DST: variants seen among roughly 807,000 people sequenced by gnomAD.
DST encodes the protein bullous pemphigoid antigen.
Under a neutral mutation model 875.2 loss-of-function variants are expected in DST, and 253 were observed. That is an observed-to-expected ratio of 0.29 (90% CI 0.26 to 0.32). DST has a LOEUF of 0.32. Ranked by LOEUF, DST falls within the 10% of genes least tolerant of loss-of-function variation. The pLI is 1.00. For synonymous variants in DST, 3,124 were observed against 3,197.1 expected (o/e 0.98, Z 0.77); for missense variants, 8,287 against 9,111.6 (o/e 0.91, Z 3.68).
At chr6:56,490,857 G>GC (rs1332180646) in intron 85 of DST, among the ~76,000 whole-genome samples, 5 of 152,058 alleles carry the variant, frequency 3.3e-5, no homozygotes, top group Non-Finnish European at 7.4e-5. Context: ...TATAAATAGA[G>GC]GAAATGCTAT....
chr6:56,854,461 T>C (rs1441457722), intron 3 of DST, among the ~76,000 whole-genome samples: 3 of 152,228 alleles, frequency 2.0e-5, no homozygotes, highest in East Asian at 3.9e-4. Context: ...TGTTTAAATA[T>C]AGTTATATGG....
intron 2 of DST, among the ~76,000 whole-genome samples, chr6:56,931,889 G>T (rs1810476102): frequency 6.6e-6 from 1 of 152,194 alleles, no homozygotes; most frequent in Non-Finnish European, 1.5e-5. Context: ...AGGCAGAAGA[G>T]ATTTGCCTTG....
intron 61 of DST, among the ~76,000 whole-genome samples, chr6:56,551,576 T>C (rs948885548): frequency 6.6e-6 from 1 of 152,184 alleles, no homozygotes; most frequent in Non-Finnish European, 1.5e-5. Context: ...TTGATCACTG[T>C]TGAGTGGCAG....
intron 61 of DST, among the ~76,000 whole-genome samples, chr6:56,547,777 T>C (rs766847224): frequency 3.5e-4 from 54 of 152,178 alleles, no homozygotes; most frequent in South Asian, 8.3e-4. Flanking sequence ...GGCATTTTGG[T>C]TTACCGAATA....
Position 56,552,674 on chromosome 6 carries a change from T to G in DST, c.16118A>C (p.Lys5373Thr). 6.2e-7 allele frequency: 1 copy of G among 1,613,850 alleles called. No individual in the cohort carries two copies. Among genetic ancestry groups the G allele is most frequent in the South Asian group, 1.1e-5 (1 of 91,076 alleles). Residue 5373 changes from lysine (K) to threonine (T), a missense_variant, in exon 61 of 104, where the codon AAG (lysine) becomes ACG (threonine). Lys to Thr is a moderately conservative substitution (Grantham distance 78). Transcript: ENST00000680361. ...AAGCTTGGTTTCTAAGAAAGAACAC[T>G]TTTCATCAACCTGCTGACTTAGTGT... ...HSTLSQQVDE[K>T]CSFLETKLQG...
intron 38 of DST, among the ~76,000 whole-genome samples, chr6:56,610,935 A>G (rs1298602148): frequency 6.6e-6 from 1 of 152,082 alleles, no homozygotes; most frequent in African/African-American, 2.4e-5. Context: ...CTAAAGCACA[A>G]ACAAAGAGGA....
intron 7 of DST, among the ~76,000 whole-genome samples, chr6:56,703,221 T>TA (rs2099318313): frequency 6.6e-6 from 1 of 152,060 alleles, no homozygotes; most frequent in Non-Finnish European, 1.5e-5. Context: ...ACTTAAATAC[T>TA]AAAAAAAATT....
At chr6:56,482,316 T>A in intron 89 of DST, 138 bp from the exon 90 acceptor site, 1 of 982,658 alleles carries the variant, frequency 1.0e-6, no homozygotes, top group Non-Finnish European at 1.4e-6. Flanking sequence ...ATTACTCCCA[T>A]TAAGAAGATA....
chr6:56,642,359 C>T (rs774054083), intron 16 of DST, 51 bp downstream of exon 16: 45 of 1,297,910 alleles, frequency 3.5e-5, no homozygotes, highest in Non-Finnish European at 4.6e-5. Context: ...TTCATCCAAA[C>T]GCACAGTGAC....
chr6:56,884,011 G>A (rs1783430159), intron 3 of DST, among the ~76,000 whole-genome samples: 1 of 152,060 alleles, frequency 6.6e-6, no homozygotes, highest in Non-Finnish European at 1.5e-5. Flanking sequence ...CACACCTGTA[G>A]TCTCACCTTC....
At chr6:56,791,863 T>G (rs1180039456) in intron 4 of DST, among the ~76,000 whole-genome samples, 1 of 151,266 alleles carries the variant, frequency 6.6e-6, no homozygotes, top group Non-Finnish European at 1.5e-5. Context: ...GGTATGGATA[T>G]AATCATAATC....
At chr6:56,735,505 T>C (rs1210699737) in intron 4 of DST, among the ~76,000 whole-genome samples, 1 of 152,114 alleles carries the variant, frequency 6.6e-6, no homozygotes, top group Non-Finnish European at 1.5e-5. Flanking sequence ...CATTTACCAA[T>C]ATTCCTCCAT....
chr6:56,608,197 G>T lies in DST; in HGVS notation c.6431C>A (p.Pro2144His), dbSNP rs758763174. The change falls in exon 40 of 104, where the codon CCT becomes CAT. Residue 2144 changes from proline to histidine, a missense_variant. This residue lies in a region of DST where 3,138 missense variants were observed against 3,116.6 expected (regional missense o/e 1.01). Transcript: ENST00000680361. ...TASILKNITL[P>H]DKMPDLGDLE... ...ATCTCCTAAATCTGGCATTTTATCA[G>T]GCAGTGTTATATTTTTTAAAATTGA... 1 of 1,613,562 alleles carries T rather than the reference G, an allele frequency of 6.2e-7. No homozygotes were observed. The highest frequency in any genetic ancestry group is 8.5e-7 in the Non-Finnish European group (1 of 1,179,714).
At chr6:56,903,371 A>G (rs1247163116) in intron 2 of DST, among the ~76,000 whole-genome samples, 1 of 152,354 alleles carries the variant, frequency 6.6e-6, no homozygotes, top group Non-Finnish European at 1.5e-5. Context: ...CTGCAAAACA[A>G]TAACTCAGTG....
chr6:56,630,096 T>G, intron 31 of DST, 149 bp downstream of exon 31: 1 of 662,818 alleles, frequency 1.5e-6, no homozygotes, highest in Non-Finnish European at 2.6e-6. Flanking sequence ...TGAACATACT[T>G]AGAGTAAACT....
intron 2 of DST, among the ~76,000 whole-genome samples, chr6:56,949,462 T>G (rs1821269373): frequency 6.6e-6 from 1 of 152,164 alleles, no homozygotes. Context: ...AGCAGTTCAG[T>G]TAGCATAACA....
rs746575627 is a variant in DST, at chr6:56,517,488, TG to T, written c.18249+12del. ...AAATAATTCATATGGCAATTGGAAA[TG>T]TATTTCTTCACCTTTTGAACTTGAA... On this transcript the variant is annotated intron_variant, in intron 70 of 103. Transcript: ENST00000680361. 24 of 1,610,626 alleles carry T rather than the reference TG, an allele frequency of 1.5e-5. No homozygotes were observed. The East Asian group carries it at 4.0e-4, about 27-fold the overall frequency.
At chr6:56,486,219 C>T (rs577858509) in intron 87 of DST, among the ~76,000 whole-genome samples, 69 of 151,826 alleles carry the variant, frequency 4.5e-4, no homozygotes, top group African/African-American at 1.3e-3. Flanking sequence ...AAAAATTAGC[C>T]GGGCGTAGTG....
At chr6:56,934,369 C>T (rs1173745102) in intron 2 of DST, among the ~76,000 whole-genome samples, 1 of 151,564 alleles carries the variant, frequency 6.6e-6, no homozygotes, top group East Asian at 1.9e-4. Flanking sequence ...TGCTTTTCTA[C>T]TTAGTTTTTA....
Sources: gnomAD v4.1 joint callset for allele counts (sites outside exome capture counted in the v4.1 genomes callset) on GRCh38, gnomAD v4.1.1 for gene constraint, gnomAD v4.1.1 regional missense constraint, MANE v1.5 for transcripts, NCBI Gene and HGNC (gene_info 2026-07-23, HGNC 2026-07-21) for gene names.